COX7B2: variants seen among roughly 807,000 people sequenced by gnomAD.
COX7B2 encodes the protein cytochrome c oxidase subunit 7B2, mitochondrial.
For missense variants in COX7B2, 109 were observed against 95.9 expected (o/e 1.14, Z -0.57); for synonymous variants, 37 against 32.1 (o/e 1.15, Z -0.51).
At chr4:46,870,383 G>A (rs183859355) in intron 1 of COX7B2, among the ~76,000 whole-genome samples, 115 of 151,948 alleles carry the variant, frequency 7.6e-4, no homozygotes, top group African/African-American at 2.6e-3. Context: ...ACATTATACT[G>A]AATGAGCAAA....
intron 2 of COX7B2, among the ~76,000 whole-genome samples, chr4:46,741,975 C>T (rs527894004): frequency 9.2e-5 from 14 of 152,158 alleles, no homozygotes; most frequent in Admixed American, 3.3e-4. Context: ...CTGGGCTTTT[C>T]CTTGGCGGAA....
chr4:46,838,660 G>A (rs973538846), intron 2 of COX7B2, among the ~76,000 whole-genome samples: 2 of 151,996 alleles, frequency 1.3e-5, no homozygotes, highest in African/African-American at 4.8e-5. Context: ...AGTGGGTGGT[G>A]TTAAGGCACA....
chr4:46,808,595 T>C (rs1719125370), intron 2 of COX7B2, among the ~76,000 whole-genome samples: 1 of 151,912 alleles, frequency 6.6e-6, no homozygotes, highest in Non-Finnish European at 1.5e-5. Flanking sequence ...GTAGTGACAG[T>C]GGACATCACT....
chr4:46,850,231 A>AAATGATTTAATTTTAAATAATTT (rs1716580900), intron 1 of COX7B2, among the ~76,000 whole-genome samples: 4 of 135,394 alleles, frequency 3.0e-5, no homozygotes, highest in East Asian at 2.4e-4. Context: ...TAAATAATTT[A>AAATGATTTAATTTTAAATAATTT]AAATGATTTA....
chr4:46,880,673 C>T (rs898535818), intron 1 of COX7B2, among the ~76,000 whole-genome samples: 1 of 151,238 alleles, frequency 6.6e-6, no homozygotes, highest in African/African-American at 2.4e-5. Context: ...TTATTTGGAT[C>T]TTCTCTCTTT....
chr4:46,799,413 G>A (rs985256433), intron 2 of COX7B2, among the ~76,000 whole-genome samples: 10 of 152,002 alleles, frequency 6.6e-5, no homozygotes, highest in Non-Finnish European at 1.3e-4. Flanking sequence ...TTCAAGCAGC[G>A]AGGGTGGGCA....
At chr4:46,751,226 T>C (rs948718577) in intron 2 of COX7B2, among the ~76,000 whole-genome samples, 1 of 152,120 alleles carries the variant, frequency 6.6e-6, no homozygotes, top group African/African-American at 2.4e-5. Context: ...GGGGAGATAT[T>C]TACACTCTCT....
At chr4:46,871,046 G>C (rs1474469257) in intron 1 of COX7B2, among the ~76,000 whole-genome samples, 1 of 151,018 alleles carries the variant, frequency 6.6e-6, no homozygotes, top group Non-Finnish European at 1.5e-5. Flanking sequence ...GCAATCCTAA[G>C]CAAAAAGAAC....
chr4:46,904,893 T>C (rs1341282530), intron 1 of COX7B2, among the ~76,000 whole-genome samples: 3 of 152,234 alleles, frequency 2.0e-5, no homozygotes, highest in Non-Finnish European at 4.4e-5. Context: ...CCTATTTGTA[T>C]GTGTCTGCAT....
intron 2 of COX7B2, among the ~76,000 whole-genome samples, chr4:46,814,143 T>A (rs527645903): frequency 8.5e-5 from 13 of 152,330 alleles, no homozygotes; most frequent in Middle Eastern, 3.4e-3. Flanking sequence ...ACCAGGTGAT[T>A]CAGCAATCAT....
chr4:46,805,952 T>C (rs994990291), intron 2 of COX7B2, among the ~76,000 whole-genome samples: 4 of 152,146 alleles, frequency 2.6e-5, no homozygotes, highest in African/African-American at 4.8e-5. Flanking sequence ...GGATCCAGGA[T>C]TTTTTCTTCT....
At chr4:46,744,879 G>C (rs1014476419) in intron 2 of COX7B2, among the ~76,000 whole-genome samples, 1 of 151,252 alleles carries the variant, frequency 6.6e-6, no homozygotes, top group Non-Finnish European at 1.5e-5. Flanking sequence ...ACAGGCGCAC[G>C]CTGGCACGCC....
At chr4:46,752,691 C>T (rs1000275413) in intron 2 of COX7B2, among the ~76,000 whole-genome samples, 2 of 152,034 alleles carry the variant, frequency 1.3e-5, no homozygotes, top group African/African-American at 4.8e-5. Flanking sequence ...TGGTTTTTGT[C>T]GTTGGTTCTG....
At chr4:46,838,684 G>A (rs1715703392) in intron 2 of COX7B2, among the ~76,000 whole-genome samples, 1 of 152,002 alleles carries the variant, frequency 6.6e-6, no homozygotes, top group Non-Finnish European at 1.5e-5. Context: ...AAGATGGTCA[G>A]TCCTTACTAT....
At chr4:46,875,748 C>CA (rs1288227951) in intron 1 of COX7B2, among the ~76,000 whole-genome samples, 5 of 151,716 alleles carry the variant, frequency 3.3e-5, no homozygotes, top group Non-Finnish European at 5.9e-5. Flanking sequence ...CCCCGTAGCC[C>CA]ATGTCACTCT....
At chr4:46,820,220 G>A (rs192972796) in intron 2 of COX7B2, among the ~76,000 whole-genome samples, 156 of 152,278 alleles carry the variant, frequency 1.0e-3, no homozygotes, top group African/African-American at 3.6e-3. Context: ...ATCTGGGGGA[G>A]ATCGGAAACA....
chr4:46,812,906 A>G (rs1197324630), intron 2 of COX7B2, among the ~76,000 whole-genome samples: 1 of 152,134 alleles, frequency 6.6e-6, no homozygotes, highest in Non-Finnish European at 1.5e-5. Context: ...TCATATTTCC[A>G]GGGTGCAGGC....
intron 2 of COX7B2, among the ~76,000 whole-genome samples, chr4:46,817,619 C>T (rs1719623014): frequency 6.6e-6 from 1 of 152,154 alleles, no homozygotes; most frequent in Admixed American, 6.5e-5. Context: ...TCCTAGGTCA[C>T]AAAGTAAATC....
At chr4:46,873,978 G>C (rs1718166762) in intron 1 of COX7B2, among the ~76,000 whole-genome samples, 1 of 152,124 alleles carries the variant, frequency 6.6e-6, no homozygotes, top group Non-Finnish European at 1.5e-5. Flanking sequence ...CATTCTACTA[G>C]TTAAATTATC....
Sources: allele counts gnomAD v4.1 joint callset (sites outside exome capture counted in the v4.1 genomes callset), GRCh38; gene constraint gnomAD v4.1.1; transcripts MANE v1.5; gene names NCBI Gene and HGNC (gene_info 2026-07-23, HGNC 2026-07-21).